The following PRXL2A variants were observed in gnomAD, a reference collection of about 807,000 sequenced individuals.
PRXL2A encodes peroxiredoxin-like 2A.
Under a neutral mutation model 25.6 loss-of-function variants are expected in PRXL2A, and 26 were observed. The ratio of observed to expected loss-of-function variants is 1.02; its 90% confidence interval spans 0.74 to 1.41. The LOEUF (loss-of-function observed/expected upper bound fraction) is 1.41. PRXL2A is among the 40% of genes most tolerant of loss of function. The pLI is 0.00. For synonymous variants in PRXL2A, 98 were observed against 102.9 expected (o/e 0.95, Z 0.29); for missense variants, 246 against 273.9 (o/e 0.90, Z 0.72).
chr10:80,413,347 G>A (rs765780330), intron 1 of PRXL2A, among the ~76,000 whole-genome samples: 4 of 152,254 alleles, frequency 2.6e-5, no homozygotes, highest in South Asian at 2.1e-4. Context: ...GGAAGCCACC[G>A]ATGTGGCAGA....
intron 1 of PRXL2A, among the ~76,000 whole-genome samples, chr10:80,416,743 T>G (rs1844673339): frequency 6.6e-6 from 1 of 152,244 alleles, no homozygotes; most frequent in Non-Finnish European, 1.5e-5. Flanking sequence ...TTCTTTGCTC[T>G]AACACAATGC....
rs550312456 is a variant in PRXL2A at position 80,436,317 on chromosome 10, A to G, written c.*4218A>G. The G allele has an allele frequency of 2.0e-5, 3 of 152,224 alleles. No homozygotes were observed. Among genetic ancestry groups the G allele is most frequent in the African/African-American group, 4.8e-5 (2 of 41,506 alleles). 9.4% of individuals were successfully genotyped at this position (152,224 alleles called of 1,614,324 possible). ...TTTTGTAGAGGCAAGCTCTTATACT[A>G]TCTTGCACAGGCTGGTCTCGAACTC... is the stretch of plus-strand genomic sequence containing the variant. On this transcript the variant is annotated 3_prime_UTR_variant, in exon 6 of 6. Transcript: ENST00000606162.
chr10:80,416,151 AC>A (rs773384458), intron 1 of PRXL2A, among the ~76,000 whole-genome samples: 4 of 152,320 alleles, frequency 2.6e-5, no homozygotes, highest in Non-Finnish European at 5.9e-5. Context: ...TGTTCTGTGA[AC>A]TGTCATCCAG....
chr10:80,424,730 G>A (rs1378129892), intron 3 of PRXL2A, among the ~76,000 whole-genome samples: 5 of 152,088 alleles, frequency 3.3e-5, no homozygotes, highest in Admixed American at 6.6e-5. Flanking sequence ...GTGTGGTGGT[G>A]CGCCCCTGTA....
intron 3 of PRXL2A, among the ~76,000 whole-genome samples, chr10:80,424,840 G>A (rs1320294434): frequency 1.3e-5 from 2 of 152,158 alleles, no homozygotes; most frequent in African/African-American, 4.8e-5. Flanking sequence ...CAGCATGGGC[G>A]AGTAGCGTGG....
At chr10:80,430,507 G>T (rs561002108) in intron 5 of PRXL2A, among the ~76,000 whole-genome samples, 1 of 152,166 alleles carries the variant, frequency 6.6e-6, no homozygotes, top group East Asian at 1.9e-4. Flanking sequence ...TTTAGCCGGC[G>T]TGGTGACATG....
intron 1 of PRXL2A, among the ~76,000 whole-genome samples, chr10:80,410,817 A>G (rs1160980243): frequency 6.6e-6 from 1 of 152,174 alleles, no homozygotes; most frequent in Non-Finnish European, 1.5e-5. Context: ...GAGCCCAGAC[A>G]GGAGGCTGTG....
chr10:80,431,431 C>T (rs1298819956), intron 5 of PRXL2A, among the ~76,000 whole-genome samples: 1 of 151,436 alleles, frequency 6.6e-6, no homozygotes, highest in East Asian at 1.9e-4. Flanking sequence ...GTTATTTTGT[C>T]TTTTTTTTAC....
At chr10:80,426,825 G>C (rs1235661363) in intron 4 of PRXL2A, among the ~76,000 whole-genome samples, 1 of 152,186 alleles carries the variant, frequency 6.6e-6, no homozygotes, top group African/African-American at 2.4e-5. Context: ...ACCCAGCAGG[G>C]TTCTGTTTTC....
intron 1 of PRXL2A, among the ~76,000 whole-genome samples, chr10:80,419,060 A>G (rs761324360): frequency 4.6e-5 from 7 of 152,026 alleles, no homozygotes; most frequent in Non-Finnish European, 1.0e-4. Flanking sequence ...ATCTCAGCTC[A>G]CTGCAACCTC....
At chr10:80,423,409 TGAC>T (rs1201151402) in intron 3 of PRXL2A, among the ~76,000 whole-genome samples, 1 of 152,230 alleles carries the variant, frequency 6.6e-6, no homozygotes, top group Admixed American at 6.5e-5. Context: ...AAACTGGGAA[TGAC>T]AGTATTCCTG....
intron 1 of PRXL2A, among the ~76,000 whole-genome samples, chr10:80,414,401 AG>A (rs1317204225): frequency 6.6e-6 from 1 of 152,162 alleles, no homozygotes; most frequent in Non-Finnish European, 1.5e-5. Context: ...GGGGATAGAA[AG>A]GGGGAGGAAA....
chr10:80,428,812 G>A (rs1564695258), intron 5 of PRXL2A, among the ~76,000 whole-genome samples: 1 of 152,202 alleles, frequency 6.6e-6, no homozygotes, highest in Non-Finnish European at 1.5e-5. Flanking sequence ...GGGTTTATCT[G>A]CATTGTTGGA....
At chr10:80,426,979 C>T (rs563340487) in intron 4 of PRXL2A, among the ~76,000 whole-genome samples, 18 of 152,080 alleles carry the variant, frequency 1.2e-4, no homozygotes, top group African/African-American at 4.3e-4. Context: ...CCTGTCTCTA[C>T]TAAAAATTCA....
chr10:80,435,707 C>T lies in PRXL2A; in HGVS notation c.*3608C>T, dbSNP rs1333029618. The T allele has an allele frequency of 6.6e-6, 1 of 152,208 alleles. No homozygotes were observed. The highest frequency in any genetic ancestry group is 2.1e-4 in the South Asian group (1 of 4,822). The allele number at this position is 152,208 out of a possible 1,614,324, so 9.4% of individuals were successfully genotyped here. A position where few individuals can be genotyped will look rare whatever the true frequency, so the allele number is the denominator to read the frequency against. On this transcript the variant is annotated 3_prime_UTR_variant, in exon 6 of 6. Transcript: ENST00000606162. ...CAGGCTGGTCTCAAACTCCTGGCCT[C>T]CCAAAGTGTTTAGATTACAGGTGTA... is the stretch of plus-strand genomic sequence containing the variant.
In PRXL2A at chr10:80,420,505, G is replaced by A. The variant is rs1221720965; in HGVS notation, c.38G>A (p.Gly13Glu). 1 of 1,607,980 alleles carries A rather than the reference G, an allele frequency of 6.2e-7. No individual in the cohort carries two copies. The highest frequency in any genetic ancestry group is 1.1e-5 in the South Asian group (1 of 89,910). ...CAGGACCCAAGTTTCTTCACCATGG[G>A]GATGTGGTCCATTGGTGCAGGAGCC... The part of the protein sequence containing the change: ...FLQDPSFFTM[G>E]MWSIGAGALG... Residue 13 changes from glycine (G) to glutamate (E), a missense_variant, in exon 2 of 6, where the codon GGG becomes GAG. Transcript: ENST00000606162.
chr10:80,410,815 A>AC, intron 1 of PRXL2A, among the ~76,000 whole-genome samples: 1 of 152,266 alleles, frequency 6.6e-6, no homozygotes, highest in South Asian at 2.1e-4. Context: ...CTGAGCCCAG[A>AC]CAGGAGGCTG....
Position 80,432,665 on chromosome 10 carries a change from T to C in PRXL2A, c.*566T>C, listed in dbSNP as rs1845308080. 6.6e-6 allele frequency: 1 copy of C among 151,230 alleles called. No individual in the cohort carries two copies. The highest frequency in any genetic ancestry group is 1.9e-4 in the East Asian group (1 of 5,142). 9.4% of individuals were successfully genotyped at this position (151,230 alleles called of 1,614,324 possible). ...AAAAAAAAAAAAAAAAATTGATTGC[T>C]GTGCCTCATTACAAATGCATATGAT... On this transcript the variant is annotated 3_prime_UTR_variant, in exon 6 of 6. Transcript: ENST00000606162.
At chr10:80,409,184 C>T in intron 1 of PRXL2A, 1 of 554,356 alleles carries the variant, frequency 1.8e-6, no homozygotes, top group South Asian at 7.8e-5. Context: ...CCCCCTCTTT[C>T]CCAAGAGTCA....
Sources: gnomAD v4.1 joint callset for allele counts (sites outside exome capture counted in the v4.1 genomes callset) on GRCh38, gnomAD v4.1.1 for gene constraint, MANE v1.5 for transcripts, NCBI Gene and HGNC (gene_info 2026-07-23, HGNC 2026-07-21) for gene names.